Variants in C14orf132 observed in about 807,000 individuals in gnomAD.
C14orf132 encodes uncharacterized protein C14orf132.
C14orf132 carries 6 observed loss-of-function variants against 5.8 expected under a neutral mutation model. The ratio of observed to expected loss-of-function variants is 1.03; its 90% CI spans 0.57 to 2.04. The LOEUF (loss-of-function observed/expected upper bound fraction) is 2.04, where lower values mean the gene tolerates loss of function less well. Among genes scored for constraint, C14orf132 ranks in the 30% most tolerant of loss-of-function variants. The pLI is 0.00. For synonymous variants in C14orf132, 51 were observed against 49.8 expected, an observed-to-expected ratio of 1.02 and a Z score of -0.10; for missense variants, 125 against 115.8, an observed-to-expected ratio of 1.08 and a Z score of -0.37.
intron 1 of C14orf132, among the ~76,000 whole-genome samples, chr14:96,080,106 T>C (rs1360712791): frequency 6.6e-6 from 1 of 152,244 alleles, no homozygotes. Context: ...ATGGCAATAT[T>C]TGCCACACAG....
chr14:96,085,853 T>C (rs1888164408), intron 1 of C14orf132, among the ~76,000 whole-genome samples: 1 of 152,210 alleles, frequency 6.6e-6, no homozygotes, highest in South Asian at 2.1e-4. Flanking sequence ...GTGGCTTATG[T>C]TCATGATAGA....
At chr14:96,056,053 T>C (rs1887173108) in intron 1 of C14orf132, among the ~76,000 whole-genome samples, 1 of 152,188 alleles carries the variant, frequency 6.6e-6, no homozygotes, top group East Asian at 1.9e-4. Flanking sequence ...CATGAAATGT[T>C]TGGAATGTTC....
Position 96,087,382 on chromosome 14 carries a change from G to A in C14orf132, c.*647G>A, listed in dbSNP as rs1049584047. On this transcript the variant is annotated 3_prime_UTR_variant, in exon 2 of 2. Coordinates refer to ENST00000555004, the MANE Select transcript of C14orf132 (RefSeq NM_001252507.3). The stretch of plus-strand genomic sequence containing the variant: ...TGTTGTTGGTGGTTTTTATCTCCTG[G>A]TCGGACTTTCTCTTCTTTTTAAGAA... 6.6e-6 allele frequency: 1 copy of A among 152,240 alleles called. No individual in the cohort carries two copies. The highest frequency in any genetic ancestry group is 1.5e-5 in the Non-Finnish European group (1 of 68,258). The allele number at this position is 152,240 out of a possible 1,614,324, so 9.4% of individuals were successfully genotyped here.
intron 1 of C14orf132, among the ~76,000 whole-genome samples, chr14:96,067,144 G>C (rs1213654833): frequency 6.6e-6 from 1 of 152,204 alleles, no homozygotes; most frequent in Non-Finnish European, 1.5e-5. Flanking sequence ...TGCCCAGAAG[G>C]GGCTCAGGAG....
chr14:96,064,174 A>G (rs1887450469), intron 1 of C14orf132, among the ~76,000 whole-genome samples: 1 of 152,128 alleles, frequency 6.6e-6, no homozygotes, highest in African/African-American at 2.4e-5. Flanking sequence ...TTAAAGAAAT[A>G]AAAGTAGAAC....
At chr14:96,072,410 G>A (rs1247875788) in intron 1 of C14orf132, among the ~76,000 whole-genome samples, 1 of 152,328 alleles carries the variant, frequency 6.6e-6, no homozygotes, top group African/African-American at 2.4e-5. Context: ...GGGGCCCTGA[G>A]GACTGCATGG....
intron 1 of C14orf132, among the ~76,000 whole-genome samples, chr14:96,055,929 G>A (rs939760269): frequency 1.3e-5 from 2 of 152,168 alleles, no homozygotes; most frequent in Non-Finnish European, 2.9e-5. Context: ...CTCAGAGCCC[G>A]GGTCGCACCT....
intron 1 of C14orf132, among the ~76,000 whole-genome samples, chr14:96,045,577 G>A (rs181220224): frequency 1.3e-5 from 2 of 152,236 alleles, no homozygotes; most frequent in Admixed American, 6.5e-5. Flanking sequence ...GGGCTTTGGA[G>A]CTCTAGCCCC....
intron 1 of C14orf132, among the ~76,000 whole-genome samples, chr14:96,066,041 C>T (rs956717106): frequency 1.3e-5 from 2 of 152,180 alleles, no homozygotes; most frequent in African/African-American, 2.4e-5. Flanking sequence ...GCCTCCTCCC[C>T]CTTATCCCCA....
At chr14:96,045,698 T>C (rs1370524715) in intron 1 of C14orf132, among the ~76,000 whole-genome samples, 1 of 152,252 alleles carries the variant, frequency 6.6e-6, no homozygotes, top group African/African-American at 2.4e-5. Flanking sequence ...ATGTTAACAA[T>C]TAAATTAACA....
At chr14:96,055,923 G>C (rs1887169948) in intron 1 of C14orf132, among the ~76,000 whole-genome samples, 1 of 152,194 alleles carries the variant, frequency 6.6e-6, no homozygotes, top group Non-Finnish European at 1.5e-5. Flanking sequence ...AGAGATCTCA[G>C]AGCCCGGGTC....
chr14:96,071,922 G>A (rs556243915), intron 1 of C14orf132, among the ~76,000 whole-genome samples: 80 of 152,320 alleles, frequency 5.3e-4, no homozygotes, highest in African/African-American at 1.6e-3. Context: ...GCACAGTTCT[G>A]GGGCATGCCT....
intron 1 of C14orf132, among the ~76,000 whole-genome samples, chr14:96,049,612 A>ATATATATATATATACG (rs1886960276): frequency 9.2e-6 from 1 of 108,852 alleles, no homozygotes; most frequent in African/African-American, 3.9e-5. Flanking sequence ...ATATATATAC[A>ATATATATATATATACG]TATATACGTA....
chr14:96,068,351 G>T (rs942377300), intron 1 of C14orf132, among the ~76,000 whole-genome samples: 6 of 152,218 alleles, frequency 3.9e-5, no homozygotes, highest in Admixed American at 3.9e-4. Flanking sequence ...GGGGATTGGA[G>T]AAGGCCTGGA....
chr14:96,080,383 G>A (rs1029185149), intron 1 of C14orf132, among the ~76,000 whole-genome samples: 1 of 152,152 alleles, frequency 6.6e-6, no homozygotes, highest in African/African-American at 2.4e-5. Context: ...CTAACTGTTC[G>A]AGGCCAGGTT....
At chr14:96,046,030 C>G (rs1359753535) in intron 1 of C14orf132, among the ~76,000 whole-genome samples, 1 of 152,168 alleles carries the variant, frequency 6.6e-6, no homozygotes, top group Non-Finnish European at 1.5e-5. Flanking sequence ...GGGCTTCCTC[C>G]CAGTATGGAG....
chr14:96,061,333 C>T (rs1173205688), intron 1 of C14orf132, among the ~76,000 whole-genome samples: 2 of 152,238 alleles, frequency 1.3e-5, no homozygotes, highest in Admixed American at 1.3e-4. Flanking sequence ...TTTGTTCCTG[C>T]ACCTTCTCCC....
intron 1 of C14orf132, among the ~76,000 whole-genome samples, chr14:96,081,313 G>A (rs1026595407): frequency 4.6e-5 from 7 of 152,068 alleles, no homozygotes; most frequent in East Asian, 1.9e-4. Flanking sequence ...CCTTCTATAC[G>A]GCTGTCTTTA....
At chr14:96,070,023 C>T (rs547316449) in intron 1 of C14orf132, among the ~76,000 whole-genome samples, 236 of 152,306 alleles carry the variant, frequency 1.5e-3, no homozygotes, top group African/African-American at 5.3e-3. Context: ...TATTCCACAT[C>T]GGAGAGCCCT....
Sources: allele counts gnomAD v4.1 joint callset (sites outside exome capture counted in the v4.1 genomes callset), GRCh38; gene constraint gnomAD v4.1.1; transcripts MANE v1.5; gene names NCBI Gene and HGNC (gene_info 2026-07-23, HGNC 2026-07-21).